TEX15: variants seen among roughly 807,000 people sequenced by gnomAD.
TEX15 encodes testis expressed 15, meiosis and synapsis associated.
In TEX15, 171 loss-of-function variants were observed where a neutral mutation model predicts 237.3. The ratio of observed to expected loss-of-function variants is 0.72; its 90% CI spans 0.64 to 0.82. The LOEUF (loss-of-function observed/expected upper bound fraction) is 0.82. TEX15 is among the 40% of genes least tolerant of loss of function. TEX15 has a pLI of 0.00. For missense variants in TEX15, 3,750 were observed against 3,646.5 expected, an observed-to-expected ratio of 1.03 and a Z score of -0.73; for synonymous variants, 1,338 against 1,269.8, an observed-to-expected ratio of 1.05 and a Z score of -1.14.
intron 3 of TEX15, among the ~76,000 whole-genome samples, chr8:30,875,792 C>A (rs1808388391): frequency 6.6e-6 from 1 of 151,658 alleles, no homozygotes; most frequent in Non-Finnish European, 1.5e-5. Flanking sequence ...GGTTAAGTTA[C>A]TGTGGGCATC....
intron 5 of TEX15, among the ~76,000 whole-genome samples, chr8:30,864,565 C>A (rs1247920460): frequency 1.4e-5 from 2 of 142,158 alleles, no homozygotes; most frequent in Non-Finnish European, 1.5e-5. Context: ...CTGTAGCCAG[C>A]AAACTATCCT....
intron 5 of TEX15, among the ~76,000 whole-genome samples, chr8:30,862,018 T>A (rs983245165): frequency 6.6e-6 from 1 of 152,142 alleles, no homozygotes; most frequent in Non-Finnish European, 1.5e-5. Context: ...ATAGGTTTAC[T>A]GAGGTTGTGA....
chr8:30,895,387 T>C (rs1808879887), intron 2 of TEX15, among the ~76,000 whole-genome samples: 2 of 151,260 alleles, frequency 1.3e-5, no homozygotes, highest in Admixed American at 1.3e-4. Flanking sequence ...AAATAATACA[T>C]TGCTTTTCAT....
chr8:30,887,925 T>C (rs1007053383), intron 2 of TEX15, among the ~76,000 whole-genome samples: 2 of 138,922 alleles, frequency 1.4e-5, no homozygotes, highest in Non-Finnish European at 3.1e-5. Context: ...TATATATATA[T>C]ATATGAATTT....
rs1807347602 is a variant in TEX15, at chr8:30,837,921, T to C, written c.8363A>G (p.Lys2788Arg). 2 of 1,614,156 alleles carry C rather than the reference T, an allele frequency of 1.2e-6. No homozygotes were observed. Among genetic ancestry groups the C allele is most frequent in the Non-Finnish European group, 1.7e-6 (2 of 1,180,016 alleles). Residue 2788 changes from lysine (K) to arginine (R), a missense_variant, in exon 10 of 11, where the codon AAA becomes AGA. Physicochemically the swap from Lys to Arg is conservative, Grantham distance 26. Coordinates refer to ENST00000643185, the MANE Select transcript of TEX15 (RefSeq NM_001350162.2). ...TTCCGACTTTGATGCGCAAGTGTCT[T>C]TTGGGTTCTCTAAGGGTAAAAGTGA... The part of the protein sequence containing the change: ...PGSLLPLENP[K>R]DTCASKSESK...
intron 7 of TEX15, among the ~76,000 whole-genome samples, chr8:30,849,802 G>C (rs913056195): frequency 1.3e-5 from 2 of 151,934 alleles, no homozygotes; most frequent in Admixed American, 6.6e-5. Flanking sequence ...AGGAGGCTGA[G>C]GTAGGAGAAT....
chr8:30,845,323 CTTTCA>C lies in TEX15; in HGVS notation c.4839_4843del (p.Asn1613LysfsTer2), dbSNP rs747291036. 2.3e-5 allele frequency: 37 copies of C among 1,612,622 alleles called. No individual in the cohort carries two copies. Among genetic ancestry groups the C allele is most frequent in the African/African-American group, 9.3e-5 (7 of 74,884 alleles). On this transcript the variant is annotated frameshift_variant, in exon 8 of 11. Coordinates refer to ENST00000643185, the MANE Select transcript of TEX15 (RefSeq NM_001350162.2). LOFTEE classifies it high-confidence loss of function. ...TATGCAACTTAAAGATACAGAATTA[CTTTCA>C]TTTATTACTTCATTAGCGTCACAAC...
intron 2 of TEX15, among the ~76,000 whole-genome samples, chr8:30,889,942 T>TACAC (rs1419386903): frequency 6.7e-4 from 88 of 131,166 alleles, no homozygotes; most frequent in Non-Finnish European, 9.7e-4. Flanking sequence ...TACATATATA[T>TACAC]ATATATATAT....
rs1336458320 is a variant in TEX15 at position 30,860,054 on chromosome 8, G to T, written c.544C>A (p.Leu182Ile). ...TGGATTTTCTTCACTTTTCCAAAGA[G>T]AACCTAAAAAAAAAAAAGCCAAAAA... The part of the protein sequence containing the change: ...TVESILIFKV[L>I]FGKVKKIQPS... The change falls in exon 6 of 11, where the codon CTC (leucine) becomes ATC (isoleucine). Residue 182 changes from leucine (L) to isoleucine (I), a missense_variant. By Grantham distance (5) the Leu-to-Ile change is conservative (BLOSUM62 2). Transcript: ENST00000643185. The T allele has an allele frequency of 1.5e-6, 2 of 1,360,614 alleles. No individual in the cohort carries two copies. The highest frequency in any genetic ancestry group is 1.6e-5 in the African/African-American group (1 of 62,222). 84.3% of individuals were successfully genotyped at this position (1,360,614 alleles called of 1,614,324 possible).
At chr8:30,833,492 C>T (rs1807226021) in intron 10 of TEX15, among the ~76,000 whole-genome samples, 169 bp from the exon 11 acceptor site, 1 of 152,144 alleles carries the variant, frequency 6.6e-6, no homozygotes, top group African/African-American at 2.4e-5. Flanking sequence ...ATTTAAGGCT[C>T]TCTGAGGAGT....
intron 8 of TEX15, 59 bp from the exon 9 acceptor site, chr8:30,840,023 A>T: frequency 1.1e-5 from 11 of 1,027,386 alleles, no homozygotes; most frequent in South Asian, 1.9e-5. Context: ...TAATAAAAAT[A>T]ATTATTATTT....
chr8:30,839,982 A>G lies in TEX15; in HGVS notation c.8164-18T>C, dbSNP rs1183925448. The G allele has an allele frequency of 2.6e-6, 4 of 1,517,816 alleles. No individual in the cohort carries two copies. Among genetic ancestry groups the G allele is most frequent in the Non-Finnish European group, 3.6e-6 (4 of 1,117,380 alleles). 94.0% of individuals were successfully genotyped at this position (1,517,816 alleles called of 1,614,324 possible). On this transcript the variant is annotated intron_variant, in intron 8 of 10. Coordinates refer to ENST00000643185, the MANE Select transcript of TEX15 (RefSeq NM_001350162.2). The stretch of plus-strand genomic sequence containing the variant: ...ATGTCTACCTGTGTTTAAAAGATAC[A>G]AAGAAAATCTTCATTAGTGATGACA...
intron 7 of TEX15, 135 bp downstream of exon 7, chr8:30,858,533 A>G: frequency 8.5e-6 from 6 of 703,018 alleles, no homozygotes; most frequent in Non-Finnish European, 1.3e-5. Flanking sequence ...GTTGGCCTCA[A>G]GTAATCCGCC....
intron 1 of TEX15, among the ~76,000 whole-genome samples, chr8:30,901,374 G>A (rs1289151240): frequency 6.6e-6 from 1 of 151,988 alleles, no homozygotes; most frequent in Non-Finnish European, 1.5e-5. Flanking sequence ...CACTTGTTTA[G>A]CAAGAAAAAA....
At chr8:30,839,832 G>A in intron 9 of TEX15, 74 bp downstream of exon 9, 1 of 884,136 alleles carries the variant, frequency 1.1e-6, no homozygotes, top group East Asian at 2.6e-5. Flanking sequence ...AAATAATTGT[G>A]TTATTCTAGT....
In TEX15 at chr8:30,887,161, T is replaced by C. The variant is rs1808668378; in HGVS notation, c.136+6A>G. 1 of 1,526,060 alleles carries C rather than the reference T, an allele frequency of 6.6e-7. No individual in the cohort carries two copies. The highest frequency in any genetic ancestry group is 8.7e-7 in the Non-Finnish European group (1 of 1,144,090). 94.5% of individuals were successfully genotyped at this position (1,526,060 alleles called of 1,614,324 possible). A position where few individuals can be genotyped will look rare whatever the true frequency, so the allele number is the denominator to read the frequency against. ...CTAAAAAAATTCCCAACCACAGAAATATTACCTTTCTCAGCTGTCCTCCTG... is the reference window on the plus strand; with the variant it reads ...CTAAAAAAATTCCCAACCACAGAAACATTACCTTTCTCAGCTGTCCTCCTG... On this transcript the variant is annotated splice_donor_region_variant and intron_variant, in intron 3 of 10. Transcript: ENST00000643185.
At chr8:30,897,701 C>G (rs1443447847) in intron 2 of TEX15, among the ~76,000 whole-genome samples, 2 of 152,156 alleles carry the variant, frequency 1.3e-5, no homozygotes, top group Non-Finnish European at 1.5e-5. Flanking sequence ...CACTCTGACA[C>G]CCAGGCTGGA....
chr8:30,838,173 C>T (rs541664961), intron 9 of TEX15, 112 bp from the exon 10 acceptor site: 67 of 982,972 alleles, frequency 6.8e-5, no homozygotes, highest in Admixed American at 4.7e-4. Flanking sequence ...TTAAGCTTTA[C>T]GTTTTCCCAT....
rs773094936 is a variant in TEX15 at position 30,847,020 on chromosome 8, G to A, written c.3147C>T (p.Asn1049=). The change falls in exon 8 of 11, where the codon AAC becomes AAT. Residue 1049 remains asparagine (N), a synonymous_variant. Transcript: ENST00000643185. The part of the protein sequence containing the change: ...QESFHQSINE[N]LVLQSIELES... The stretch of plus-strand genomic sequence containing the variant: ...CCAATTCAATGCTCTGAAGAACTAA[G>A]TTCTCATTTATTGATTGATGAAATG... 9.9e-6 allele frequency: 16 copies of A among 1,612,616 alleles called. No individual in the cohort carries two copies. The South Asian group carries it at 1.8e-4, about 18-fold the overall frequency.
Sources: gnomAD v4.1 joint callset for allele counts (sites outside exome capture counted in the v4.1 genomes callset) on GRCh38, gnomAD v4.1.1 for gene constraint, MANE v1.5 for transcripts, NCBI Gene and HGNC (gene_info 2026-07-23, HGNC 2026-07-21) for gene names.